Variants in OPRM1 observed in about 807,000 individuals in gnomAD.
OPRM1 encodes the protein mu-type opioid receptor.
In OPRM1, 27 loss-of-function variants were observed where a neutral mutation model predicts 31.8. That is an observed-to-expected ratio of 0.85 (90% CI 0.63 to 1.17). OPRM1 has a LOEUF of 1.17. OPRM1 is among the 50% of genes most tolerant of loss of function. The pLI, the probability that OPRM1 is intolerant of heterozygous loss-of-function variation, is 0.00. For synonymous variants in OPRM1, 196 were observed against 189.9 expected, an observed-to-expected ratio of 1.03 and a Z score of -0.26; for missense variants, 536 against 511.1, an observed-to-expected ratio of 1.05 and a Z score of -0.47.
chr6:154,164,005 T>C (rs1234651289), intron 3 of OPRM1, among the ~76,000 whole-genome samples: 2 of 152,220 alleles, frequency 1.3e-5, no homozygotes, highest in African/African-American at 4.8e-5. Context: ...TTTCAATATC[T>C]ATGCTTCCAA....
chr6:154,057,839 G>A (rs1034193139), intron 1 of OPRM1, among the ~76,000 whole-genome samples: 32 of 152,206 alleles, frequency 2.1e-4, no homozygotes, highest in Admixed American at 5.9e-4. Context: ...CCTGTCACAC[G>A]AAGACAGGCA....
chr6:154,172,840 C>T (rs12214502), intron 3 of OPRM1, among the ~76,000 whole-genome samples: 29,440 of 152,248 alleles, frequency 0.19, 3,456 homozygotes, highest in East Asian at 0.41. Context: ...TCTCTGATAA[C>T]GGACAGACCA....
chr6:154,194,994 A>AT (rs1776469083), intron 3 of OPRM1, among the ~76,000 whole-genome samples: 1 of 152,102 alleles, frequency 6.6e-6, no homozygotes, highest in Non-Finnish European at 1.5e-5. Context: ...CTTCACCCTG[A>AT]TAGGCATGCT....
At chr6:154,221,643 G>A (rs1778868002) in intron 3 of OPRM1, among the ~76,000 whole-genome samples, 2 of 152,024 alleles carry the variant, frequency 1.3e-5, no homozygotes, top group African/African-American at 4.8e-5. Flanking sequence ...GGAGGCCGAG[G>A]CGGGCAGATC....
chr6:154,028,183 T>C (rs752068262), intron 1 of OPRM1, among the ~76,000 whole-genome samples: 7 of 152,186 alleles, frequency 4.6e-5, no homozygotes, highest in Non-Finnish European at 8.8e-5. Context: ...CAAGGGCTCT[T>C]CATTAGCAAG....
chr6:154,086,445 TA>T, intron 1 of OPRM1: 2 of 380,704 alleles, frequency 5.3e-6, no homozygotes, highest in Non-Finnish European at 7.2e-6. Flanking sequence ...AAATTGATGA[TA>T]AAATTATGTA....
intron 1 of OPRM1, among the ~76,000 whole-genome samples, chr6:154,040,689 C>T (rs1779875503): frequency 6.6e-6 from 1 of 152,152 alleles, no homozygotes; most frequent in African/African-American, 2.4e-5. Context: ...TTAGAAACTG[C>T]AGAAACTCTT....
chr6:154,094,231 C>T (rs1219227456), intron 3 of OPRM1: 1 of 1,287,394 alleles, frequency 7.8e-7, no homozygotes, highest in Non-Finnish European at 1.0e-6. Flanking sequence ...AATATCAAAC[C>T]TTCCCAGGGT....
downstream of OPRM1, among the ~76,000 whole-genome samples, chr6:154,134,059 C>T (rs1797995685): frequency 6.6e-6 from 1 of 152,172 alleles, no homozygotes; most frequent in Non-Finnish European, 1.5e-5. Flanking sequence ...AAGGAGTATG[C>T]ACTTTATTCA....
chr6:154,033,667 TAGAA>T (rs1476124392), intron 1 of OPRM1, among the ~76,000 whole-genome samples: 1 of 152,174 alleles, frequency 6.6e-6, no homozygotes, highest in Non-Finnish European at 1.5e-5. Flanking sequence ...GAAGTGATTT[TAGAA>T]AGATTTATAT....
upstream of OPRM1, chr6:154,039,162 T>A (rs1409752963): frequency 6.4e-7 from 1 of 1,551,530 alleles, no homozygotes; most frequent in East Asian, 2.4e-5. Flanking sequence ...CTCCTTTAGA[T>A]GTGTTTGCAC....
At chr6:154,079,633 T>C (rs1344959765) in intron 1 of OPRM1, among the ~76,000 whole-genome samples, 1 of 152,154 alleles carries the variant, frequency 6.6e-6, no homozygotes, top group African/African-American at 2.4e-5. Flanking sequence ...CATTTAGAAA[T>C]ATAAAGTATT....
intron 3 of OPRM1, among the ~76,000 whole-genome samples, chr6:154,114,754 G>GT (rs11400855): frequency 0.012 from 1,838 of 147,710 alleles, 37 homozygotes; most frequent in African/African-American, 0.043. Context: ...ATTCCCATTA[G>GT]TTTTTTTTTT....
chr6:154,212,520 C>T (rs1489661120), intron 3 of OPRM1, among the ~76,000 whole-genome samples: 1 of 152,210 alleles, frequency 6.6e-6, no homozygotes, highest in Admixed American at 6.5e-5. Context: ...GAAGCCTTTG[C>T]ATCCTCATGA....
intron 3 of OPRM1, among the ~76,000 whole-genome samples, chr6:154,167,466 A>G (rs1295375582): frequency 2.0e-5 from 3 of 152,142 alleles, no homozygotes; most frequent in Admixed American, 6.6e-5. Flanking sequence ...TGAAATCAAG[A>G]CATTTCCTTC....
intron 1 of OPRM1, among the ~76,000 whole-genome samples, chr6:154,067,353 T>A (rs1218825525): frequency 6.6e-6 from 1 of 151,944 alleles, no homozygotes; most frequent in Non-Finnish European, 1.5e-5. Context: ...TGCTTTAATT[T>A]TCATTTATCT....
At chr6:154,067,706 T>A (rs1180633324) in intron 1 of OPRM1, among the ~76,000 whole-genome samples, 2 of 152,048 alleles carry the variant, frequency 1.3e-5, no homozygotes, top group Non-Finnish European at 2.9e-5. Context: ...TCTATTTCCT[T>A]ACTTATCTCA....
intron 3 of OPRM1, chr6:154,223,307 A>G: frequency 8.2e-7 from 1 of 1,212,416 alleles, no homozygotes; most frequent in Non-Finnish European, 1.2e-6. Flanking sequence ...GTGCATTGAG[A>G]TCATATACAT....
At position 154,161,710 on chromosome 6, in the gene OPRM1, A is replaced by C. The variant is rs144616537; in HGVS notation, c.1164+70238A>C. 4.0e-3 allele frequency among the ~76,000 whole-genome samples: 608 copies of C among 152,318 alleles called. 2 individuals are homozygous for C. The highest frequency in any genetic ancestry group is 6.2e-3 in the Non-Finnish European group (421 of 68,028). On this transcript the variant is annotated intron_variant, in intron 3 of 3. Coordinates refer to the OPRM1 transcript ENST00000337049. ...TCATGGCCCCTCTTCTAAAGCTTAA[A>C]GAAGATGACAAGAAACATTTCCTTC...
Sources: allele counts gnomAD v4.1 joint callset (sites outside exome capture counted in the v4.1 genomes callset), GRCh38; gene constraint gnomAD v4.1.1; transcripts MANE v1.5; gene names NCBI Gene and HGNC (gene_info 2026-07-23, HGNC 2026-07-21).